TRPM3: variants seen among roughly 807,000 people sequenced by gnomAD.
TRPM3 encodes the protein long transient receptor potential channel 3.
In TRPM3, 77 loss-of-function variants were observed where a neutral mutation model predicts 181.2. The observed-to-expected ratio is 0.42, with a 90% CI of 0.35 to 0.51. The LOEUF is 0.51. Ranked by LOEUF, TRPM3 falls within the 20% of genes least tolerant of loss-of-function variation. The probability of loss-of-function intolerance (pLI) is 0.01; values close to 1 mark genes in which losing one functional copy is unlikely to be tolerated. For synonymous variants in TRPM3, 745 were observed against 796.4 expected (o/e 0.94, Z 1.09); for missense variants, 1,759 against 2,196.7 (o/e 0.80, Z 3.98).
At chr9:71,099,873 C>T (rs2068012726) in intron 1 of TRPM3, among the ~76,000 whole-genome samples, 1 of 152,130 alleles carries the variant, frequency 6.6e-6, no homozygotes, top group South Asian at 2.1e-4. Flanking sequence ...TACCCAAAGT[C>T]AGCAGTTATT....
intron 22 of TRPM3, among the ~76,000 whole-genome samples, chr9:70,560,180 CAT>C (rs1486390812): frequency 6.6e-6 from 1 of 152,158 alleles, no homozygotes; most frequent in Non-Finnish European, 1.5e-5. Context: ...GCTGAGGAAA[CAT>C]GTGCCGAGGG....
intron 1 of TRPM3, among the ~76,000 whole-genome samples, chr9:71,186,916 T>C (rs141222027): frequency 6.6e-6 from 1 of 152,152 alleles, no homozygotes; most frequent in Non-Finnish European, 1.5e-5. Flanking sequence ...CAGAATCTCA[T>C]GAACATATTT....
At chr9:71,216,171 A>G (rs114341781) in intron 1 of TRPM3, among the ~76,000 whole-genome samples, 1 of 152,336 alleles carries the variant, frequency 6.6e-6, no homozygotes, top group African/African-American at 2.4e-5. Context: ...TTATGAACAG[A>G]TGTGAGTTTA....
intron 1 of TRPM3, among the ~76,000 whole-genome samples, chr9:71,380,696 AG>A (rs1488639619): frequency 2.6e-5 from 4 of 152,114 alleles, no homozygotes; most frequent in African/African-American, 9.7e-5. Context: ...TTATTAAATA[AG>A]GTTCATTTTT....
intron 1 of TRPM3, among the ~76,000 whole-genome samples, chr9:70,921,407 C>T (rs929102016): frequency 6.6e-6 from 1 of 152,232 alleles, no homozygotes; most frequent in Admixed American, 6.5e-5. Flanking sequence ...AATGCTAACT[C>T]ATCCATGTGA....
At chr9:71,263,586 C>T (rs1230208140) in intron 1 of TRPM3, among the ~76,000 whole-genome samples, 1 of 152,136 alleles carries the variant, frequency 6.6e-6, no homozygotes, top group East Asian at 1.9e-4. Flanking sequence ...GGGATTTCAT[C>T]TTATTTACTT....
rs5898150 is a variant in TRPM3 at position 70,545,548 on chromosome 9, CTTTT to C, written c.3707+3990_3707+3993del. 1.4e-4 allele frequency among the ~76,000 whole-genome samples: 16 copies of C among 113,340 alleles called. 1 individual carries two copies. Among genetic ancestry groups the C allele is most frequent in the South Asian group, 2.9e-4 (1 of 3,424 alleles). 74.4% of individuals were successfully genotyped at this position (113,340 alleles called of 152,430 possible). ...AGAGAAAAGAATTTTAATTTTCTTT[CTTTT>C]TTTTTTTTTTTTGAAGTGGAGTCTC... is the stretch of plus-strand genomic sequence containing the variant. On this transcript the variant is annotated intron_variant, in intron 25 of 25. Coordinates refer to ENST00000677713, the MANE Select transcript of TRPM3 (RefSeq NM_001366145.2).
chr9:70,928,650 A>G (rs2096744775), intron 1 of TRPM3, among the ~76,000 whole-genome samples: 1 of 152,224 alleles, frequency 6.6e-6, no homozygotes, highest in African/African-American at 2.4e-5. Flanking sequence ...GACTGGATTC[A>G]AAAGAAACAT....
intron 1 of TRPM3, among the ~76,000 whole-genome samples, chr9:71,225,543 A>G (rs1379314378): frequency 6.6e-6 from 1 of 152,244 alleles, no homozygotes; most frequent in East Asian, 1.9e-4. Flanking sequence ...CTGAATGTAC[A>G]AAACTCACTG....
chr9:70,979,435 T>C lies in TRPM3; in HGVS notation c.178-114924A>G, dbSNP rs546351973. Among the ~76,000 whole-genome samples the C allele has an allele frequency of 2.6e-5, 4 of 152,246 alleles. No individual in the cohort carries two copies. The South Asian group carries it at 6.2e-4, about 24-fold the overall frequency. On this transcript the variant is annotated intron_variant, in intron 1 of 25. Coordinates refer to ENST00000677713, the MANE Select transcript of TRPM3 (RefSeq NM_001366145.2). ...GCATTAGAGGAGGCAGAGGGGAACATGAAGGGGGGATCCAACTGTATACAT... is the reference window on the plus strand; with the variant it reads ...GCATTAGAGGAGGCAGAGGGGAACACGAAGGGGGGATCCAACTGTATACAT...
chr9:71,445,911 T>C (rs1256207675), intron 1 of TRPM3, among the ~76,000 whole-genome samples: 1 of 152,164 alleles, frequency 6.6e-6, no homozygotes, highest in Non-Finnish European at 1.5e-5. Flanking sequence ...GTTCTCTCCC[T>C]CTGGGATAAA....
chr9:71,405,472 A>G (rs1322810178), intron 1 of TRPM3, among the ~76,000 whole-genome samples: 1 of 152,188 alleles, frequency 6.6e-6, no homozygotes, highest in African/African-American at 2.4e-5. Flanking sequence ...TCTCATATAA[A>G]CAAAATCTTA....
chr9:71,115,238 C>T lies in TRPM3; in HGVS notation c.177+5940G>A, dbSNP rs560382423. ...CAGCTTTTTTCAACGTGGGGTCCTT[C>T]CAAGAGCTCTGGACTTCAGAATCAC... On this transcript the variant is annotated intron_variant, in intron 1 of 25. Transcript: ENST00000677713. 2.2e-3 allele frequency among the ~76,000 whole-genome samples: 292 copies of T among 133,730 alleles called. 1 individual carries two copies. Among genetic ancestry groups the T allele is most frequent in the African/African-American group, 6.8e-3 (275 of 40,208 alleles). The allele number at this position is 133,730 out of a possible 152,430, so 87.7% of individuals were successfully genotyped here. A position where few individuals can be genotyped will look rare whatever the true frequency, so the allele number is the denominator to read the frequency against.
At chr9:71,176,045 A>G (rs558550174) in intron 1 of TRPM3, among the ~76,000 whole-genome samples, 1 of 152,218 alleles carries the variant, frequency 6.6e-6, no homozygotes, top group African/African-American at 2.4e-5. Context: ...AAAAGGATAG[A>G]CCCTATGATG....
intron 1 of TRPM3, among the ~76,000 whole-genome samples, chr9:71,309,384 T>C (rs1262864669): frequency 6.6e-6 from 1 of 152,170 alleles, no homozygotes; most frequent in Admixed American, 6.6e-5. Context: ...TCCAGAAGGA[T>C]ACCAATTCAA....
intron 1 of TRPM3, among the ~76,000 whole-genome samples, chr9:70,951,751 G>C (rs1266108454): frequency 3.3e-5 from 5 of 152,194 alleles, no homozygotes; most frequent in African/African-American, 1.2e-4. Context: ...TACAGTAAAT[G>C]CTTGAGTTTC....
At chr9:70,975,224 C>T (rs866650076) in intron 1 of TRPM3, among the ~76,000 whole-genome samples, 2 of 151,974 alleles carry the variant, frequency 1.3e-5, no homozygotes, top group South Asian at 4.1e-4. Flanking sequence ...AGTTGTTGAA[C>T]GGAGTCATTT....
chr9:71,446,629 T>C (rs1042482177), intron 1 of TRPM3: 2 of 1,547,076 alleles, frequency 1.3e-6, no homozygotes, highest in Non-Finnish European at 1.7e-6. Context: ...AAGCAAAGAC[T>C]GGGGCTCTCC....
At chr9:70,654,682 T>G (rs2060036013) in intron 9 of TRPM3, among the ~76,000 whole-genome samples, 1 of 133,984 alleles carries the variant, frequency 7.5e-6, no homozygotes, top group South Asian at 2.4e-4. Context: ...TTAAGCACTC[T>G]GTAGTTTTTT....
Sources: allele counts gnomAD v4.1 joint callset (sites outside exome capture counted in the v4.1 genomes callset), GRCh38; gene constraint gnomAD v4.1.1; transcripts MANE v1.5; gene names NCBI Gene and HGNC (gene_info 2026-07-23, HGNC 2026-07-21).